ABHD18: variants seen among roughly 807,000 people sequenced by gnomAD.
The protein encoded by ABHD18 is cardiolipin-specific deacylase, mitochondrial.
Under a neutral mutation model 65.9 loss-of-function variants are expected in ABHD18, and 55 were observed. The ratio of observed to expected loss-of-function variants is 0.84; its 90% confidence interval spans 0.67 to 1.05. ABHD18 has a LOEUF of 1.05. Among genes scored for constraint, ABHD18 ranks in the 50% least tolerant of loss-of-function variants. The probability of loss-of-function intolerance (pLI) is 0.00; values close to 1 mark genes in which losing one functional copy is unlikely to be tolerated. For synonymous variants in ABHD18, 181 were observed against 180.2 expected (o/e 1.00, Z -0.04); for missense variants, 533 against 558.5 (o/e 0.95, Z 0.46).
chr4:128,026,264 G>A (rs566542122), intron 10 of ABHD18, among the ~76,000 whole-genome samples: 2 of 152,140 alleles, frequency 1.3e-5, no homozygotes, highest in South Asian at 4.2e-4. Context: ...CTCCAGCCTG[G>A]AGGACAAGAG....
chr4:128,030,403 A>C, intron 11 of ABHD18, 107 bp from the exon 12 acceptor site: 1 of 752,440 alleles, frequency 1.3e-6, no homozygotes, highest in East Asian at 3.2e-5. Context: ...TTGATTTTTA[A>C]TTTAATCAAA....
At chr4:128,004,881 G>T (rs1488942338) in intron 4 of ABHD18, among the ~76,000 whole-genome samples, 1 of 151,850 alleles carries the variant, frequency 6.6e-6, no homozygotes, top group East Asian at 1.9e-4. Flanking sequence ...TTGCACTCCA[G>T]CCTGGGCGAC....
chr4:127,979,479 G>A (rs945403436), intron 1 of ABHD18, among the ~76,000 whole-genome samples: 10 of 152,030 alleles, frequency 6.6e-5, no homozygotes, highest in South Asian at 4.1e-4. Flanking sequence ...CATTTGAACC[G>A]GGGAGGCAGA....
intron 3 of ABHD18, among the ~76,000 whole-genome samples, chr4:127,986,508 A>G (rs1057131564): frequency 5.9e-5 from 9 of 152,238 alleles, no homozygotes; most frequent in Non-Finnish European, 1.3e-4. Context: ...GCTATTATAA[A>G]TAATGCTGCT....
intron 1 of ABHD18, among the ~76,000 whole-genome samples, chr4:127,970,589 C>CAAAAA (rs375709595): frequency 1.5e-4 from 8 of 54,552 alleles, no homozygotes; most frequent in Non-Finnish European, 2.7e-4. Context: ...AACTCTGTCT[C>CAAAAA]AAAAAAAAAA....
intron 1 of ABHD18, among the ~76,000 whole-genome samples, chr4:127,970,593 A>AG (rs1359854383): frequency 2.0e-5 from 3 of 147,988 alleles, no homozygotes; most frequent in African/African-American, 7.8e-5. Flanking sequence ...CTGTCTCAAA[A>AG]AAAAAAAAAA....
At chr4:128,031,771 C>T (rs1040214941) in intron 12 of ABHD18, among the ~76,000 whole-genome samples, 13 of 152,192 alleles carry the variant, frequency 8.5e-5, no homozygotes, top group African/African-American at 3.1e-4. Flanking sequence ...TTGTTCAAGT[C>T]TCTCATGTCT....
chr4:128,020,200 T>C (rs1278624846), intron 9 of ABHD18, 31 bp downstream of exon 9: 2 of 1,533,874 alleles, frequency 1.3e-6, no homozygotes, highest in Admixed American at 3.5e-5. Flanking sequence ...ATTAGGTAGC[T>C]ATATATAATT....
intron 10 of ABHD18, among the ~76,000 whole-genome samples, chr4:128,023,163 A>G (rs958079042): frequency 3.3e-5 from 5 of 152,106 alleles, no homozygotes; most frequent in African/African-American, 4.8e-5. Flanking sequence ...ATGAATGAGA[A>G]CTTTTTATTT....
intron 12 of ABHD18, among the ~76,000 whole-genome samples, chr4:128,032,230 A>G (rs1158010092): frequency 6.6e-6 from 1 of 152,210 alleles, no homozygotes; most frequent in Non-Finnish European, 1.5e-5. Flanking sequence ...TACACAGAAT[A>G]AAGGGAACAA....
intron 2 of ABHD18, among the ~76,000 whole-genome samples, chr4:127,983,472 C>T (rs1033749014): frequency 2.6e-5 from 4 of 152,272 alleles, no homozygotes; most frequent in East Asian, 1.9e-4. Context: ...TGGTGGCTCA[C>T]GCCTGTAATC....
At chr4:128,014,079 G>A (rs1359882442) in intron 7 of ABHD18, among the ~76,000 whole-genome samples, 1 of 150,798 alleles carries the variant, frequency 6.6e-6, no homozygotes, top group Non-Finnish European at 1.5e-5. Flanking sequence ...CGCCTTCTGG[G>A]TTCAAGCAAT....
At chr4:128,021,368 G>T in intron 10 of ABHD18, 130 bp downstream of exon 10, 3 of 595,660 alleles carry the variant, frequency 5.0e-6, no homozygotes, top group Non-Finnish European at 8.5e-6. Flanking sequence ...TACTTTAAAA[G>T]ATTTTTCATT....
intron 3 of ABHD18, among the ~76,000 whole-genome samples, chr4:127,987,706 C>CA (rs113640812): frequency 0.035 from 3,971 of 114,654 alleles, 82 homozygotes; most frequent in Middle Eastern, 0.075. Flanking sequence ...GAGCAAGACT[C>CA]AAAAAAAAAA....
intron 11 of ABHD18, among the ~76,000 whole-genome samples, chr4:128,029,168 A>G (rs2149190068): frequency 6.6e-6 from 1 of 151,794 alleles, no homozygotes; most frequent in Non-Finnish European, 1.5e-5. Context: ...CCTGGGTAAC[A>G]TGGTAAAACC....
At chr4:128,034,241 G>A (rs1411479358) in intron 12 of ABHD18, among the ~76,000 whole-genome samples, 1 of 152,136 alleles carries the variant, frequency 6.6e-6, no homozygotes. Context: ...ACAGGCGTAA[G>A]CCACCGCGCC....
rs756250821 is a variant in ABHD18, at chr4:128,035,854, T to C, written c.*41T>C. 1 of 1,292,714 alleles carries C rather than the reference T, an allele frequency of 7.7e-7. No homozygotes were observed. The highest frequency in any genetic ancestry group is 1.4e-5 in the South Asian group (1 of 69,812). The allele number at this position is 1,292,714 out of a possible 1,614,324, so 80.1% of individuals were successfully genotyped here. A position where few individuals can be genotyped will look rare whatever the true frequency, so the allele number is the denominator to read the frequency against. ...TAACCAGTGTGGCCATGATGTTTCT[T>C]ACAAAAGGGAGCTTCATCCTGTGAT... is the stretch of plus-strand genomic sequence containing the variant. On this transcript the variant is annotated 3_prime_UTR_variant, in exon 13 of 13. Coordinates refer to ENST00000645843, the MANE Select transcript of ABHD18 (RefSeq NM_001358451.3).
At chr4:128,031,098 T>G in intron 12 of ABHD18, 7 of 989,126 alleles carry the variant, frequency 7.1e-6, no homozygotes, top group Non-Finnish European at 8.4e-6. Flanking sequence ...GAACCTTAAA[T>G]AAGAAGTGCT....
At chr4:128,000,899 A>G (rs1214526483) in intron 4 of ABHD18, among the ~76,000 whole-genome samples, 1 of 152,070 alleles carries the variant, frequency 6.6e-6, no homozygotes, top group African/African-American at 2.4e-5. Context: ...TTGTGTGGCT[A>G]TTATAAATGA....
Sources: gnomAD v4.1 joint callset for allele counts (sites outside exome capture counted in the v4.1 genomes callset) on GRCh38, gnomAD v4.1.1 for gene constraint, MANE v1.5 for transcripts, NCBI Gene and HGNC (gene_info 2026-07-23, HGNC 2026-07-21) for gene names.